The following PTP4A2 variants were observed in gnomAD, a reference collection of about 807,000 sequenced individuals.
PTP4A2 encodes the protein protein tyrosine phosphatase type IVA 2.
A neutral mutation model predicts 22.9 loss-of-function variants in PTP4A2; 2 were observed. The observed-to-expected ratio is 0.09, with a 90% CI of 0.04 to 0.27. The LOEUF is 0.27. PTP4A2 is among the 10% of genes least tolerant of loss of function. PTP4A2 has a pLI of 1.00. For synonymous variants in PTP4A2, 68 were observed against 69.1 expected, an observed-to-expected ratio of 0.98 and a Z score of 0.08; for missense variants, 103 against 205.1, an observed-to-expected ratio of 0.50 and a Z score of 3.04.
At chr1:31,909,678 A>C (rs1378590104) in intron 5 of PTP4A2, among the ~76,000 whole-genome samples, 1 of 152,024 alleles carries the variant, frequency 6.6e-6, no homozygotes, top group African/African-American at 2.4e-5. Flanking sequence ...TCTCAAAAAA[A>C]AAAAAAAGAG....
chr1:31,917,622 C>T (rs116504051), intron 2 of PTP4A2, among the ~76,000 whole-genome samples: 143 of 152,236 alleles, frequency 9.4e-4, no homozygotes, highest in African/African-American at 3.4e-3. Context: ...CTTTCTAACT[C>T]TACTCCATAA....
chr1:31,911,710 A>G lies in PTP4A2; in HGVS notation c.306T>C (p.Val102=). The part of the protein sequence containing the change: ...EPGCCVAVHC[V]AGLGRAPVLV... ...TAAGAGTTTACCTTCCCAATCCTGCAACACAATGCACTGCAACACAGCAAC... is the reference window on the plus strand; with the variant it reads ...TAAGAGTTTACCTTCCCAATCCTGCGACACAATGCACTGCAACACAGCAAC... The change falls in exon 4 of 6, where the codon GTT becomes GTC. Residue 102 remains valine, a synonymous_variant. Transcript: ENST00000647444. The G allele has an allele frequency of 6.3e-7, 1 of 1,596,522 alleles. No individual in the cohort carries two copies. Among genetic ancestry groups the G allele is most frequent in the East Asian group, 2.3e-5 (1 of 43,790 alleles).
rs1557858913 is a variant in PTP4A2 at position 31,908,147 on chromosome 1, TA to T, written c.*704del. ...ATATATATATATATTATATTATATA[TA>T]TATATATATATATATATATATATAT... On this transcript the variant is annotated 3_prime_UTR_variant, in exon 6 of 6. Transcript: ENST00000647444. 0.011 allele frequency: 5 copies of T among 464 alleles called. 1 individual carries two copies. The highest frequency in any genetic ancestry group is 0.5 in the Middle Eastern group (1 of 2). The allele number at this position is 464 out of a possible 1,614,324, so 0.0% of individuals were successfully genotyped here.
chr1:31,935,118 C>T (rs1301092520), intron 1 of PTP4A2, among the ~76,000 whole-genome samples: 2 of 152,180 alleles, frequency 1.3e-5, no homozygotes, highest in African/African-American at 2.4e-5. Context: ...AACAGAGAAA[C>T]TTTGATACAG....
rs1395849672 is a variant in PTP4A2, at chr1:31,917,956, A to G, written c.96+1014T>C. Among the ~76,000 whole-genome samples the G allele has an allele frequency of 2.7e-5, 4 of 149,916 alleles. No homozygotes were observed. In the South Asian group the frequency reaches 8.5e-4, roughly 32 times the overall value. On this transcript the variant is annotated intron_variant, in intron 2 of 5. Coordinates refer to ENST00000647444, the MANE Select transcript of PTP4A2 (RefSeq NM_080391.4). The stretch of plus-strand genomic sequence containing the variant: ...CCACTGCACTCCGTCTCAAAAAAAA[A>G]AAAAAAAAAAAGGGCTGGGCACGGT...
chr1:31,919,818 T>C (rs764434488), intron 1 of PTP4A2, among the ~76,000 whole-genome samples, 160 bp from the exon 2 acceptor site: 2 of 152,266 alleles, frequency 1.3e-5, no homozygotes, highest in Admixed American at 6.5e-5. Context: ...AGGGGTATTA[T>C]GAAGAGTTTT....
chr1:31,913,696 T>C (rs1471462756), intron 3 of PTP4A2: 1 of 391,924 alleles, frequency 2.6e-6, no homozygotes, highest in African/African-American at 2.1e-5. Context: ...AACCTAAATT[T>C]AAAGGCCTGG....
At chr1:31,935,766 G>A (rs11584299) in intron 1 of PTP4A2, 1 of 152,128 alleles carries the variant, frequency 6.6e-6, no homozygotes, top group Non-Finnish European at 1.5e-5. Flanking sequence ...CTGTAGCACA[G>A]GAGGAAATTA....
intron 1 of PTP4A2, among the ~76,000 whole-genome samples, chr1:31,925,798 T>C (rs1652425468): frequency 6.6e-6 from 1 of 151,448 alleles, no homozygotes; most frequent in Admixed American, 6.6e-5. Context: ...TAAGGGAATT[T>C]TATAAAAGCA....
At position 31,920,757 on chromosome 1, in the gene PTP4A2, C is replaced by T. The variant is rs115695382; in HGVS notation, c.-593-1099G>A. Among the ~76,000 whole-genome samples the T allele has an allele frequency of 2.6e-3, 399 of 152,012 alleles. 3 individuals carry two copies. The highest frequency in any genetic ancestry group is 9.1e-3 in the African/African-American group (378 of 41,464). The stretch of plus-strand genomic sequence containing the variant: ...TTCACCACGTTGACCAGGCTCATCT[C>T]GAACTCCTGACCTCAGGTGATTCGC... On this transcript the variant is annotated intron_variant, in intron 1 of 5. Transcript: ENST00000647444.
At chr1:31,927,842 A>T (rs1220577409) in intron 1 of PTP4A2, among the ~76,000 whole-genome samples, 1 of 152,144 alleles carries the variant, frequency 6.6e-6, no homozygotes, top group Non-Finnish European at 1.5e-5. Context: ...TCAACCATCA[A>T]AGTAGTAGGG....
intron 1 of PTP4A2, among the ~76,000 whole-genome samples, chr1:31,934,637 G>A (rs997632087): frequency 2.6e-5 from 4 of 152,084 alleles, no homozygotes; most frequent in Admixed American, 6.5e-5. Context: ...TACCTTTATA[G>A]GACAAAATGA....
intron 3 of PTP4A2, chr1:31,915,431 T>G (rs1167532889): frequency 6.6e-6 from 1 of 152,288 alleles, no homozygotes; most frequent in Non-Finnish European, 1.5e-5. Flanking sequence ...CAAGGCTCAC[T>G]GCAACCTTGA....
chr1:31,935,128 G>A (rs373711548), intron 1 of PTP4A2, among the ~76,000 whole-genome samples: 6 of 152,160 alleles, frequency 3.9e-5, no homozygotes, highest in African/African-American at 1.4e-4. Flanking sequence ...CTTTGATACA[G>A]TGGTAAGTTC....
chr1:31,919,841 C>T lies in PTP4A2; in HGVS notation c.-593-183G>A, dbSNP rs1221810119. 2.6e-5 allele frequency among the ~76,000 whole-genome samples: 4 copies of T among 152,108 alleles called. No individual in the cohort carries two copies. In the East Asian group the frequency reaches 7.7e-4, roughly 29 times the overall value. On this transcript the variant is annotated intron_variant, in intron 1 of 5. Transcript: ENST00000647444. ...TATGAAGAGTTTTAAAAATCAGAGACTCGAGCCGGGTGTGGTGGCTGATGC... is the reference window on the plus strand; with the variant it reads ...TATGAAGAGTTTTAAAAATCAGAGATTCGAGCCGGGTGTGGTGGCTGATGC...
intron 3 of PTP4A2, 30 bp downstream of exon 3, chr1:31,915,865 T>A: frequency 2.8e-6 from 4 of 1,425,728 alleles, no homozygotes; most frequent in Non-Finnish European, 2.9e-6. Flanking sequence ...ATACAACTTG[T>A]TTTGAAAAAT....
rs528153815 is a variant in PTP4A2, at chr1:31,936,945, C to T, written c.-594+1042G>A. Among the ~76,000 whole-genome samples, 3 of 152,262 alleles carry T rather than the reference C, an allele frequency of 2.0e-5. No individual in the cohort carries two copies. The East Asian group carries it at 5.8e-4, about 29-fold the overall frequency. ...CATTTGCTGAATGCCTACAGTGACA[C>T]TAGAATTGCTAGTCACTGCTAATTT... On this transcript the variant is annotated intron_variant, in intron 1 of 5. Coordinates refer to ENST00000647444, the MANE Select transcript of PTP4A2 (RefSeq NM_080391.4).
At chr1:31,919,685 G>C (rs531962716) in intron 1 of PTP4A2, 27 bp from the exon 2 acceptor site, 6 of 152,698 alleles carry the variant, frequency 3.9e-5, no homozygotes, top group African/African-American at 9.6e-5. Context: ...TAAGTAAAAT[G>C]AACTAGAGGC....
chr1:31,930,640 T>G lies in PTP4A2; in HGVS notation c.-594+7347A>C, dbSNP rs546536730. ...TTACACTTCACTTCCTCTCCTAAAC[T>G]TGCTTTTTATAAATTACATTATAGT... On this transcript the variant is annotated intron_variant, in intron 1 of 5. Coordinates refer to ENST00000647444, the MANE Select transcript of PTP4A2 (RefSeq NM_080391.4). 2.0e-5 allele frequency among the ~76,000 whole-genome samples: 3 copies of G among 152,300 alleles called. No homozygotes were observed. In the East Asian group the frequency reaches 5.8e-4, roughly 29 times the overall value.
Sources: allele counts gnomAD v4.1 joint callset (sites outside exome capture counted in the v4.1 genomes callset), GRCh38; gene constraint gnomAD v4.1.1; transcripts MANE v1.5; gene names NCBI Gene and HGNC (gene_info 2026-07-23, HGNC 2026-07-21).